Variants in IMMP2L observed in about 807,000 individuals in gnomAD.
The protein encoded by IMMP2L is mitochondrial inner membrane protease subunit 2.
A neutral mutation model predicts 19.3 loss-of-function variants in IMMP2L; 18 were observed. The observed-to-expected ratio is 0.93, with a 90% CI of 0.64 to 1.38. The LOEUF is 1.38. Among genes scored for constraint, IMMP2L ranks in the 40% most tolerant of loss-of-function variants. IMMP2L has a pLI of 0.00. For synonymous variants in IMMP2L, 76 were observed against 73.0 expected (o/e 1.04, Z -0.21); for missense variants, 233 against 218.2 (o/e 1.07, Z -0.43).
At chr7:110,993,575 CTT>C in intron 3 of IMMP2L, among the ~76,000 whole-genome samples, 1 of 151,256 alleles carries the variant, frequency 6.6e-6, no homozygotes, top group East Asian at 1.9e-4. Flanking sequence ...ATTCTCATGC[CTT>C]TACCTATTAG....
chr7:110,881,623 T>C (rs1227552319), intron 5 of IMMP2L, among the ~76,000 whole-genome samples: 1 of 152,206 alleles, frequency 6.6e-6, no homozygotes, highest in Non-Finnish European at 1.5e-5. Context: ...TAATGACCTT[T>C]TTTAAAATTT....
intron 5 of IMMP2L, among the ~76,000 whole-genome samples, chr7:110,823,168 A>T (rs886876157): frequency 6.6e-6 from 1 of 152,148 alleles, no homozygotes; most frequent in African/African-American, 2.4e-5. Context: ...GAAATAAAGA[A>T]TAATACTGGC....
chr7:111,146,834 G>A (rs1803530448), intron 3 of IMMP2L, among the ~76,000 whole-genome samples: 1 of 152,084 alleles, frequency 6.6e-6, no homozygotes, highest in African/African-American at 2.4e-5. Context: ...CCTTAACTGG[G>A]TGCCAGAGGT....
chr7:110,830,678 T>C (rs1803892556), intron 5 of IMMP2L, among the ~76,000 whole-genome samples: 2 of 152,132 alleles, frequency 1.3e-5, no homozygotes, highest in South Asian at 4.1e-4. Flanking sequence ...AGTCATAGTA[T>C]GGAATGGAGA....
intron 3 of IMMP2L, among the ~76,000 whole-genome samples, chr7:111,165,717 C>T (rs1805744595): frequency 6.6e-6 from 1 of 151,982 alleles, no homozygotes; most frequent in South Asian, 2.1e-4. Context: ...GTTAACTCTA[C>T]AAACACCTTC....
intron 2 of IMMP2L, among the ~76,000 whole-genome samples, chr7:111,498,994 T>C (rs149590019): frequency 2.6e-5 from 4 of 152,304 alleles, no homozygotes; most frequent in African/African-American, 9.6e-5. Context: ...ATTTATCTAC[T>C]GCTACAAAAC....
At chr7:110,878,919 CAT>C (rs1809352231) in intron 5 of IMMP2L, among the ~76,000 whole-genome samples, 1 of 152,094 alleles carries the variant, frequency 6.6e-6, no homozygotes, top group Non-Finnish European at 1.5e-5. Flanking sequence ...GGAAAAGTAA[CAT>C]ATTTCATTTA....
intron 3 of IMMP2L, among the ~76,000 whole-genome samples, chr7:111,178,202 C>A (rs1190031406): frequency 1.3e-5 from 2 of 151,980 alleles, no homozygotes; most frequent in African/African-American, 4.8e-5. Flanking sequence ...TTTGTTTTCC[C>A]AGTCCTTATA....
Position 111,461,987 on chromosome 7 carries a change from C to T in IMMP2L, c.239+25251G>A, listed in dbSNP as rs1642359080. Among the ~76,000 whole-genome samples the T allele has an allele frequency of 3.3e-5, 5 of 151,746 alleles. No homozygotes were observed. In the South Asian group the frequency reaches 6.2e-4, roughly 19 times the overall value. On this transcript the variant is annotated intron_variant, in intron 3 of 5. Coordinates refer to ENST00000405709, the MANE Select transcript of IMMP2L (RefSeq NM_032549.4). ...ATTTTATATAGATCATACACACACA[C>T]GTGCACAAACACAGAGATAAAAAAA...
intron 2 of IMMP2L, among the ~76,000 whole-genome samples, chr7:111,491,722 T>C (rs1345616409): frequency 6.6e-6 from 1 of 152,152 alleles, no homozygotes; most frequent in Non-Finnish European, 1.5e-5. Context: ...TCAAATTCTC[T>C]ATCTCCCTCT....
At chr7:111,291,570 G>A (rs771578273) in intron 3 of IMMP2L, among the ~76,000 whole-genome samples, 11 of 151,838 alleles carry the variant, frequency 7.2e-5, no homozygotes, top group South Asian at 2.1e-4. Context: ...AAACCTGGCC[G>A]TCTACACACA....
intron 4 of IMMP2L, among the ~76,000 whole-genome samples, chr7:110,909,916 G>A (rs1812869692): frequency 6.7e-6 from 1 of 149,878 alleles, no homozygotes; most frequent in South Asian, 2.1e-4. Flanking sequence ...GAAAGAGAGA[G>A]AGAGATAGAC....
chr7:110,964,519 T>A (rs1174513551), intron 3 of IMMP2L, among the ~76,000 whole-genome samples: 1 of 152,052 alleles, frequency 6.6e-6, no homozygotes, highest in African/African-American at 2.4e-5. Flanking sequence ...CAGGTTTTGA[T>A]ATACTTAATA....
intron 2 of IMMP2L, among the ~76,000 whole-genome samples, chr7:111,506,089 A>G (rs551638074): frequency 4.5e-4 from 69 of 152,000 alleles, no homozygotes; most frequent in African/African-American, 1.5e-3. Context: ...CAACATAGTG[A>G]GACTGCCTCC....
chr7:110,929,375 G>C (rs1449172608), intron 4 of IMMP2L, among the ~76,000 whole-genome samples: 1 of 152,104 alleles, frequency 6.6e-6, no homozygotes, highest in African/African-American at 2.4e-5. Flanking sequence ...GAGAAAGTAA[G>C]GTCTCCTATG....
At chr7:111,406,622 G>A (rs552586395) in intron 3 of IMMP2L, among the ~76,000 whole-genome samples, 1 of 151,844 alleles carries the variant, frequency 6.6e-6, no homozygotes, top group Non-Finnish European at 1.5e-5. Context: ...TTGCTCTTCT[G>A]TCTGGAAAAG....
chr7:110,951,768 C>A (rs1036704788), intron 4 of IMMP2L, among the ~76,000 whole-genome samples: 1 of 152,044 alleles, frequency 6.6e-6, no homozygotes, highest in Non-Finnish European at 1.5e-5. Flanking sequence ...TGCTATTCTT[C>A]ATTGTCCATA....
chr7:110,717,855 G>A (rs73208742), intron 5 of IMMP2L, among the ~76,000 whole-genome samples: 5,847 of 152,270 alleles, frequency 0.038, 138 homozygotes, highest in Middle Eastern at 0.085. Context: ...CAAAAATACT[G>A]TCAAAGAGCA....
chr7:110,939,325 C>CGAAA (rs1816460343), intron 4 of IMMP2L, among the ~76,000 whole-genome samples: 1 of 146,492 alleles, frequency 6.8e-6, no homozygotes, highest in Non-Finnish European at 1.5e-5. Flanking sequence ...CTGTGTTTTT[C>CGAAA]AGTGTCCCAA....
Sources: gnomAD v4.1 joint callset for allele counts (sites outside exome capture counted in the v4.1 genomes callset) on GRCh38, gnomAD v4.1.1 for gene constraint, MANE v1.5 for transcripts, NCBI Gene and HGNC (gene_info 2026-07-23, HGNC 2026-07-21) for gene names.